Variants in GALNT18 observed in about 807,000 individuals in gnomAD.
The protein encoded by GALNT18 is polypeptide N-acetylgalactosaminyltransferase 18.
GALNT18 carries 44 observed loss-of-function variants against 69.5 expected under a neutral mutation model. The observed-to-expected ratio is 0.63, with a 90% CI of 0.50 to 0.81. GALNT18 has a LOEUF of 0.81. GALNT18 is among the 40% of genes least tolerant of loss of function. The probability of loss-of-function intolerance (pLI) is 0.00; values close to 1 mark genes in which losing one functional copy is unlikely to be tolerated. For synonymous variants in GALNT18, 364 were observed against 318.2 expected, an observed-to-expected ratio of 1.14 and a Z score of -1.53; for missense variants, 715 against 810.0, an observed-to-expected ratio of 0.88 and a Z score of 1.42.
At chr11:11,519,211 C>A (rs1438520800) in intron 1 of GALNT18, among the ~76,000 whole-genome samples, 1 of 151,932 alleles carries the variant, frequency 6.6e-6, no homozygotes, top group African/African-American at 2.4e-5. Flanking sequence ...AGGGCCCCAG[C>A]ATGAAATTTC....
At chr11:11,547,126 C>T (rs1182981191) in intron 1 of GALNT18, among the ~76,000 whole-genome samples, 3 of 152,150 alleles carry the variant, frequency 2.0e-5, no homozygotes, top group East Asian at 3.8e-4. Flanking sequence ...AGTATTTAGC[C>T]TTGTGCATAC....
intron 6 of GALNT18, chr11:11,352,097 C>T (rs752589616): frequency 1.9e-6 from 3 of 1,613,468 alleles, no homozygotes; most frequent in East Asian, 2.2e-5. Flanking sequence ...GCGTACTGCC[C>T]CCTGGCATGC....
At chr11:11,292,955 C>G (rs1849329129) in intron 10 of GALNT18, 74 bp downstream of exon 10, 1 of 1,290,922 alleles carries the variant, frequency 7.7e-7, no homozygotes, top group South Asian at 2.7e-5. Context: ...CCTCCACCAC[C>G]TCCCTGGCCC....
rs1044004812 is a variant in GALNT18, at chr11:11,582,650, G to A, written c.235+38709C>T. Among the ~76,000 whole-genome samples the A allele has an allele frequency of 6.6e-6, 1 of 152,252 alleles. No individual in the cohort carries two copies. Among genetic ancestry groups the A allele is most frequent in the South Asian group, 2.1e-4 (1 of 4,836 alleles). The stretch of plus-strand genomic sequence containing the variant: ...AAGCAGCGCAGACTTTCAGTATGCA[G>A]TAGAAATACACATTGAGGGCTAAAA... On this transcript the variant is annotated intron_variant, in intron 1 of 10. Transcript: ENST00000227756. This position sits in a 1 kb window ranked among gnomAD's most constrained non-coding sequence, Gnocchi z 5.0.
rs781093196 is a variant in GALNT18 at position 11,377,854 on chromosome 11, C to T, written c.780-475G>A. Among the ~76,000 whole-genome samples the T allele has an allele frequency of 8.5e-5, 13 of 152,116 alleles. No individual in the cohort carries two copies. Among genetic ancestry groups the T allele is most frequent in the East Asian group, 1.9e-4 (1 of 5,176 alleles). On this transcript the variant is annotated intron_variant, in intron 4 of 10. Coordinates refer to ENST00000227756, the MANE Select transcript of GALNT18 (RefSeq NM_198516.3). The surrounding 1 kb of genome is among the most constrained non-coding windows in gnomAD (Gnocchi z 4.6). ...AACAAACCTACATCCACCAGCCATGCGATGTTGCCCTGGAATGCCAGCTGT... is the reference window on the plus strand; with the variant it reads ...AACAAACCTACATCCACCAGCCATGTGATGTTGCCCTGGAATGCCAGCTGT...
At chr11:11,482,686 G>T (rs982109780) in intron 1 of GALNT18, among the ~76,000 whole-genome samples, 4 of 152,210 alleles carry the variant, frequency 2.6e-5, no homozygotes, top group Admixed American at 1.3e-4. Context: ...AACGTGTTAA[G>T]AAGAAGAAAA....
intron 10 of GALNT18, among the ~76,000 whole-genome samples, chr11:11,274,227 G>C (rs1459601991): frequency 1.3e-5 from 2 of 152,230 alleles, no homozygotes; most frequent in Non-Finnish European, 2.9e-5. Flanking sequence ...CATGGTTCTG[G>C]GTTTCAAGCA....
chr11:11,340,736 A>G lies in GALNT18; in HGVS notation c.1278+83T>C. 1 of 1,318,180 alleles carries G rather than the reference A, an allele frequency of 7.6e-7. No individual in the cohort carries two copies. Among genetic ancestry groups the G allele is most frequent in the Non-Finnish European group, 1.0e-6 (1 of 956,202 alleles). 81.7% of individuals were successfully genotyped at this position (1,318,180 alleles called of 1,614,324 possible). On this transcript the variant is annotated intron_variant, in intron 7 of 10. Coordinates refer to ENST00000227756, the MANE Select transcript of GALNT18 (RefSeq NM_198516.3). The surrounding 1 kb of genome is among the most constrained non-coding windows in gnomAD (Gnocchi z 4.2). ...GCAAACAGGACTCTGGCTGACCCAT[A>G]GGAAGAAGGGTTCGGTCCCATATCT...
intron 1 of GALNT18, among the ~76,000 whole-genome samples, chr11:11,554,051 C>T (rs112949215): frequency 7.9e-5 from 12 of 152,324 alleles, no homozygotes; most frequent in African/African-American, 2.6e-4. Flanking sequence ...TTGCCAGTTA[C>T]AGGCAAGGGG....
At chr11:11,438,813 C>T (rs1033266757) in intron 2 of GALNT18, among the ~76,000 whole-genome samples, 5 of 110,584 alleles carry the variant, frequency 4.5e-5, no homozygotes, top group African/African-American at 8.6e-5. Flanking sequence ...TTCTGTCTAG[C>T]AGGACAACAT....
chr11:11,522,519 C>G (rs1316838766), intron 1 of GALNT18, among the ~76,000 whole-genome samples: 2 of 152,260 alleles, frequency 1.3e-5, no homozygotes, highest in South Asian at 2.1e-4. Flanking sequence ...AAACACGCAG[C>G]CCTGCGTCAG....
chr11:11,449,508 GC>G (rs1191079278), intron 1 of GALNT18, among the ~76,000 whole-genome samples: 2 of 152,194 alleles, frequency 1.3e-5, no homozygotes, highest in African/African-American at 4.8e-5. Context: ...TCCAGACACT[GC>G]CCACCAGAAT....
chr11:11,372,545 G>T lies in GALNT18; in HGVS notation c.1062C>A (p.Tyr354Ter). 6.2e-7 allele frequency: 1 copy of T among 1,614,124 alleles called. No homozygotes were observed. Among genetic ancestry groups the T allele is most frequent in the South Asian group, 1.1e-5 (1 of 91,090 alleles). The change falls in exon 6 of 11, where the codon TAC becomes TAA. Residue 354 changes from tyrosine to a stop codon, truncating the protein, a stop_gained. Coordinates refer to ENST00000227756, the MANE Select transcript of GALNT18 (RefSeq NM_198516.3). LOFTEE classifies it high-confidence loss of function. The surrounding 1 kb of genome is among the most constrained non-coding windows in gnomAD (Gnocchi z 4.9). ...IGLLDEGMEV[Y>*]GGENVELGIR... ...TCCCAAGCTCCACATTCTCGCCCCC[G>T]TAGACTTCCATGCCTTCGTCCAGCA... is the stretch of plus-strand genomic sequence containing the variant.
At chr11:11,335,345 T>C (rs868573367) in intron 7 of GALNT18, among the ~76,000 whole-genome samples, 9 of 152,244 alleles carry the variant, frequency 5.9e-5, no homozygotes, top group South Asian at 2.1e-4. Context: ...AATTGACTTT[T>C]GCCTTTCCAT....
chr11:11,324,012 T>A (rs1233741283), intron 9 of GALNT18, among the ~76,000 whole-genome samples: 2 of 152,188 alleles, frequency 1.3e-5, no homozygotes, highest in South Asian at 4.1e-4. Context: ...TTAGCATCCT[T>A]ATAAGAATAG....
chr11:11,593,572 C>T (rs1465609659), intron 1 of GALNT18, among the ~76,000 whole-genome samples: 1 of 152,204 alleles, frequency 6.6e-6, no homozygotes, highest in African/African-American at 2.4e-5. Context: ...AGCCAGACCA[C>T]ATCTAATTTT....
chr11:11,374,951 T>C (rs1853706981), intron 5 of GALNT18, among the ~76,000 whole-genome samples: 1 of 152,224 alleles, frequency 6.6e-6, no homozygotes, highest in Non-Finnish European at 1.5e-5. Context: ...ACAGTTCTCA[T>C]GTGAAAATGT....
chr11:11,492,073 A>G (rs1444650801), intron 1 of GALNT18, among the ~76,000 whole-genome samples: 1 of 152,234 alleles, frequency 6.6e-6, no homozygotes. Flanking sequence ...AGAATTAATG[A>G]GTAAATGAAA....
At position 11,494,340 on chromosome 11, in the gene GALNT18, G is replaced by C. The variant is rs1011911697; in HGVS notation, c.236-45404C>G. On this transcript the variant is annotated intron_variant, in intron 1 of 10. Transcript: ENST00000227756. This position sits in a 1 kb window ranked among gnomAD's most constrained non-coding sequence, Gnocchi z 5.7. ...CAGTGCTTCCTGTCTAGGATCCCAT[G>C]TGACCCTGAGAGCCTGCTTCCCCAG... Among the ~76,000 whole-genome samples the C allele has an allele frequency of 6.6e-6, 1 of 152,150 alleles. No individual in the cohort carries two copies. Among genetic ancestry groups the C allele is most frequent in the Non-Finnish European group, 1.5e-5 (1 of 68,014 alleles).
Sources: gnomAD v4.1 joint callset for allele counts (sites outside exome capture counted in the v4.1 genomes callset) on GRCh38, gnomAD v4.1.1 for gene constraint, Gnocchi (gnomAD v3.1) non-coding constraint, MANE v1.5 for transcripts, NCBI Gene and HGNC (gene_info 2026-07-23, HGNC 2026-07-21) for gene names.